KCTD16: variants seen among roughly 807,000 people sequenced by gnomAD.
The protein encoded by KCTD16 is BTB/POZ domain-containing protein KCTD16.
Under a neutral mutation model 33.2 loss-of-function variants are expected in KCTD16, and 13 were observed. The ratio of observed to expected loss-of-function variants is 0.39; its 90% CI spans 0.25 to 0.62. KCTD16 has a LOEUF of 0.62. KCTD16 is among the 20% of genes least tolerant of loss of function. The pLI is 0.50. For synonymous variants in KCTD16, 197 were observed against 195.3 expected (o/e 1.01, Z -0.07); for missense variants, 441 against 525.1 (o/e 0.84, Z 1.57).
In KCTD16 at chr5:144,249,928, A is replaced by G. The variant is rs182081309; in HGVS notation, c.832+42382A>G. 1.5e-3 allele frequency among the ~76,000 whole-genome samples: 226 copies of G among 152,336 alleles called. No individual in the cohort carries two copies. In the Middle Eastern group the frequency reaches 0.034, roughly 23 times the overall value. On this transcript the variant is annotated intron_variant, in intron 3 of 3. Coordinates refer to ENST00000512467, the MANE Select transcript of KCTD16 (RefSeq NM_020768.4). The stretch of plus-strand genomic sequence containing the variant: ...CTGTCAGAAGGAGCAGCATTTAACT[A>G]AATGGGTCAGATAAAATTAGAAATG...
At chr5:144,361,389 A>G (rs1276212602) in intron 3 of KCTD16, among the ~76,000 whole-genome samples, 1 of 152,160 alleles carries the variant, frequency 6.6e-6, no homozygotes, top group Non-Finnish European at 1.5e-5. Context: ...GTGGTCTTCC[A>G]CAAAAAGACC....
chr5:144,288,484 C>A (rs1755808396), intron 3 of KCTD16, among the ~76,000 whole-genome samples: 1 of 152,052 alleles, frequency 6.6e-6, no homozygotes. Context: ...AATGGCATCA[C>A]CAGATTGCTC....
chr5:144,244,650 G>T (rs897799290), intron 3 of KCTD16, among the ~76,000 whole-genome samples: 1 of 151,974 alleles, frequency 6.6e-6, no homozygotes, highest in Non-Finnish European at 1.5e-5. Flanking sequence ...CTGTGTTTTT[G>T]CTTGGGATTG....
intron 2 of KCTD16, among the ~76,000 whole-genome samples, chr5:144,193,374 C>G (rs905482949): frequency 1.3e-5 from 2 of 152,148 alleles, no homozygotes; most frequent in East Asian, 3.9e-4. Context: ...TTGAACAAGC[C>G]GAGCTTAGTT....
At chr5:144,283,301 C>G (rs1755657085) in intron 3 of KCTD16, among the ~76,000 whole-genome samples, 1 of 152,142 alleles carries the variant, frequency 6.6e-6, no homozygotes, top group Non-Finnish European at 1.5e-5. Flanking sequence ...ACCACCAGCT[C>G]TATTATTTAC....
intron 3 of KCTD16, among the ~76,000 whole-genome samples, chr5:144,433,544 AAC>A (rs1487182869): frequency 2.6e-5 from 4 of 152,278 alleles, no homozygotes; most frequent in African/African-American, 9.6e-5. Context: ...TACCAAACAA[AAC>A]ATGTATGCAG....
intron 3 of KCTD16, among the ~76,000 whole-genome samples, chr5:144,225,561 TGTGTG>T (rs1753906217): frequency 6.9e-6 from 1 of 144,682 alleles, no homozygotes; most frequent in Admixed American, 7.0e-5. Flanking sequence ...ATTGTGTGTG[TGTGTG>T]TGTGTGTGTG....
intron 3 of KCTD16, among the ~76,000 whole-genome samples, chr5:144,219,323 C>T (rs1488574025): frequency 2.0e-5 from 3 of 152,094 alleles, no homozygotes; most frequent in African/African-American, 4.8e-5. Context: ...AAGCGATTCT[C>T]CTGCCTCAGC....
chr5:144,218,539 A>G lies in KCTD16; in HGVS notation c.832+10993A>G, dbSNP rs565249833. ...TTATTAATAGTTATGCCAAGAACCA[A>G]TATCATGTTTTTTTAACTCTTCAGG... is the stretch of plus-strand genomic sequence containing the variant. On this transcript the variant is annotated intron_variant, in intron 3 of 3. Coordinates refer to ENST00000512467, the MANE Select transcript of KCTD16 (RefSeq NM_020768.4). 2.0e-5 allele frequency among the ~76,000 whole-genome samples: 3 copies of G among 152,262 alleles called. No homozygotes were observed. In the East Asian group the frequency reaches 5.8e-4, roughly 29 times the overall value.
intron 3 of KCTD16, among the ~76,000 whole-genome samples, chr5:144,413,305 G>C (rs1157971424): frequency 6.6e-6 from 1 of 152,198 alleles, no homozygotes; most frequent in Non-Finnish European, 1.5e-5. Flanking sequence ...AAGCAACCTT[G>C]TTGACACCTT....
At chr5:144,172,122 C>G (rs1172388006) in intron 1 of KCTD16, among the ~76,000 whole-genome samples, 1 of 152,026 alleles carries the variant, frequency 6.6e-6, no homozygotes, top group Non-Finnish European at 1.5e-5. Context: ...ACCCCCCACC[C>G]CAATAAAACA....
At chr5:144,446,637 A>T (rs775127841) in intron 3 of KCTD16, among the ~76,000 whole-genome samples, 14 of 152,192 alleles carry the variant, frequency 9.2e-5, no homozygotes, top group Non-Finnish European at 1.6e-4. Flanking sequence ...GAATGGGAGA[A>T]CATTTTTGCA....
At chr5:144,211,408 T>A (rs932476429) in intron 3 of KCTD16, among the ~76,000 whole-genome samples, 21 of 152,110 alleles carry the variant, frequency 1.4e-4, no homozygotes, top group African/African-American at 5.1e-4. Context: ...ATGTCCAAAA[T>A]GATTCAAAAT....
chr5:144,321,601 G>A (rs761409844), intron 3 of KCTD16, among the ~76,000 whole-genome samples: 22 of 152,134 alleles, frequency 1.4e-4, no homozygotes, highest in Non-Finnish European at 2.8e-4. Flanking sequence ...TCTCAGCTGT[G>A]TAGTTATGTA....
rs182608509 is a variant in KCTD16, at chr5:144,452,780, A to T, written c.833-20880A>T. 2.5e-3 allele frequency among the ~76,000 whole-genome samples: 385 copies of T among 152,032 alleles called. 4 individuals carry two copies. Among genetic ancestry groups the T allele is most frequent in the African/African-American group, 7.8e-3 (324 of 41,532 alleles). On this transcript the variant is annotated intron_variant, in intron 3 of 3. Coordinates refer to ENST00000512467, the MANE Select transcript of KCTD16 (RefSeq NM_020768.4). ...ATAAAGGCCAAGCAAGAATAAAAAAAAAAAAAGGAAAAAAGAAGCCTCACA... is the reference window on the plus strand; with the variant it reads ...ATAAAGGCCAAGCAAGAATAAAAAATAAAAAAGGAAAAAAGAAGCCTCACA...
chr5:144,299,126 ATATATATATATATATATATATATTTTT>A lies in KCTD16; in HGVS notation c.832+91582_832+91608del, dbSNP rs1191685197. Among the ~76,000 whole-genome samples the A allele has an allele frequency of 1.5e-3, 35 of 23,814 alleles. 2 individuals are homozygous for A. The highest frequency in any genetic ancestry group is 2.7e-3 in the South Asian group (2 of 754). The allele number at this position is 23,814 out of a possible 152,430, so 15.6% of individuals were successfully genotyped here. Reference sequence around the variant, plus strand: ...TATATATATATATATATATATATATATATATATATATATATATATATATTTTTTTTTTTTTTTTTAACCTGTCACTGA... The same window carrying A: ...TATATATATATATATATATATATATATTTTTTTTTTTTAACCTGTCACTGA... On this transcript the variant is annotated intron_variant, in intron 3 of 3. Coordinates refer to ENST00000512467, the MANE Select transcript of KCTD16 (RefSeq NM_020768.4).
chr5:144,230,181 GT>G (rs1437784757), intron 3 of KCTD16, among the ~76,000 whole-genome samples: 4 of 152,146 alleles, frequency 2.6e-5, no homozygotes, highest in Non-Finnish European at 5.9e-5. Context: ...GCATTGCACT[GT>G]TTAATGTTCC....
intron 3 of KCTD16, among the ~76,000 whole-genome samples, chr5:144,243,757 TAG>T (rs1209326572): frequency 2.0e-5 from 3 of 151,820 alleles, no homozygotes; most frequent in Non-Finnish European, 4.4e-5. Context: ...TTGTTTTTTT[TAG>T]AGAGAGAGAG....
At chr5:144,221,409 A>ACT (rs1026075124) in intron 3 of KCTD16, among the ~76,000 whole-genome samples, 5 of 151,572 alleles carry the variant, frequency 3.3e-5, no homozygotes, top group Admixed American at 1.3e-4. Flanking sequence ...TAATGTTATG[A>ACT]CTCCCCTTGC....
Sources: gnomAD v4.1 joint callset for allele counts (sites outside exome capture counted in the v4.1 genomes callset) on GRCh38, gnomAD v4.1.1 for gene constraint, MANE v1.5 for transcripts, NCBI Gene and HGNC (gene_info 2026-07-23, HGNC 2026-07-21) for gene names.